DENND1A: variants seen among roughly 807,000 people sequenced by gnomAD.
DENND1A encodes DENN domain containing 1A, also known as DENN domain-containing protein 1A.
Under a neutral mutation model 113.7 loss-of-function variants are expected in DENND1A, and 51 were observed. The ratio of observed to expected loss-of-function variants is 0.45; its 90% CI spans 0.36 to 0.57. The LOEUF (loss-of-function observed/expected upper bound fraction) is 0.57. Among genes scored for constraint, DENND1A ranks in the 20% least tolerant of loss-of-function variants. The pLI is 0.00. For synonymous variants in DENND1A, 565 were observed against 570.8 expected (o/e 0.99, Z 0.14); for missense variants, 1,258 against 1,395.9 (o/e 0.90, Z 1.57).
chr9:123,781,826 T>C (rs1831365395), intron 3 of DENND1A, among the ~76,000 whole-genome samples: 1 of 152,084 alleles, frequency 6.6e-6, no homozygotes, highest in African/African-American at 2.4e-5. Context: ...TCCCAGCACT[T>C]TGGGAGGCCA....
intron 5 of DENND1A, among the ~76,000 whole-genome samples, chr9:123,738,656 T>C (rs970863571): frequency 6.6e-6 from 1 of 152,204 alleles, no homozygotes; most frequent in African/African-American, 2.4e-5. Context: ...GCTACTGGTA[T>C]GAAACCATTT....
At chr9:123,768,853 GAA>G (rs58592395) in intron 4 of DENND1A, among the ~76,000 whole-genome samples, 25 of 130,772 alleles carry the variant, frequency 1.9e-4, no homozygotes, top group African/African-American at 6.0e-4. Context: ...TCGTTAAAAA[GAA>G]AAAAAAAAAA....
intron 2 of DENND1A, among the ~76,000 whole-genome samples, chr9:123,841,709 G>C (rs1050220624): frequency 2.0e-5 from 3 of 152,186 alleles, no homozygotes; most frequent in African/African-American, 7.2e-5. Flanking sequence ...TTGGTGCAGG[G>C]TGGGTGGGGG....
At chr9:123,825,901 C>T (rs780749431) in intron 2 of DENND1A, among the ~76,000 whole-genome samples, 4 of 152,198 alleles carry the variant, frequency 2.6e-5, no homozygotes, top group Non-Finnish European at 1.5e-5. Flanking sequence ...TGCCAATTTG[C>T]AGCTAAAGCT....
intron 1 of DENND1A, among the ~76,000 whole-genome samples, chr9:123,899,231 C>A (rs1851227572): frequency 6.6e-6 from 1 of 152,168 alleles, no homozygotes; most frequent in East Asian, 1.9e-4. Flanking sequence ...CTCTCCTCAG[C>A]CTATCATTAG....
At chr9:123,493,014 G>A (rs2051521276) in intron 13 of DENND1A, 1 of 152,260 alleles carries the variant, frequency 6.6e-6, no homozygotes, top group Non-Finnish European at 1.5e-5. Context: ...AGGAACCCCT[G>A]CTGAGGCAGC....
intron 12 of DENND1A, among the ~76,000 whole-genome samples, chr9:123,571,333 A>G (rs921441499): frequency 6.6e-6 from 1 of 152,232 alleles, no homozygotes; most frequent in African/African-American, 2.4e-5. Context: ...TAGAATGCAT[A>G]CACTTAAAAA....
At position 123,381,707 on chromosome 9, in the gene DENND1A, A is replaced by T; in HGVS notation, c.2938T>A (p.Ser980Thr). 5.2e-6 allele frequency: 8 copies of T among 1,548,180 alleles called. No individual in the cohort carries two copies. The highest frequency in any genetic ancestry group is 6.1e-6 in the Non-Finnish European group (7 of 1,146,534). Residue 980 changes from serine (S) to threonine (T), a missense_variant, in exon 24 of 24, where the codon TCG becomes ACG. By Grantham distance (58) the Ser-to-Thr change is moderately conservative. Around this residue, in one of 2 missense-constraint regions of DENND1A, gnomAD observed 1,159 missense variants for 1,231.7 expected, o/e 0.94. Transcript: ENST00000394215. The surrounding 1 kb of genome is among the most constrained non-coding windows in gnomAD (Gnocchi z 4.7). ...QPLGPPAVAP[S>T]RIRTLPLARS... ...GCCAGGGGCAACGTTCGGATCCTCG[A>T]CGGGGCAACTGCTGGGGGACCCAGC...
chr9:123,392,393 G>A (rs2042903250), intron 21 of DENND1A, among the ~76,000 whole-genome samples: 3 of 152,226 alleles, frequency 2.0e-5, no homozygotes, highest in Admixed American at 1.3e-4. Context: ...GTCTCCGGAG[G>A]TGGTGAAGGG....
intron 18 of DENND1A, among the ~76,000 whole-genome samples, chr9:123,441,294 T>C (rs2046914080): frequency 6.6e-6 from 1 of 152,248 alleles, no homozygotes; most frequent in African/African-American, 2.4e-5. Flanking sequence ...ATTACTTTAA[T>C]TATGAGTATG....
chr9:123,816,984 A>G (rs1405799154), intron 2 of DENND1A, among the ~76,000 whole-genome samples: 2 of 152,216 alleles, frequency 1.3e-5, no homozygotes, highest in African/African-American at 4.8e-5. Flanking sequence ...TCTTATCTGC[A>G]GTCCCTCCTC....
intron 12 of DENND1A, among the ~76,000 whole-genome samples, chr9:123,577,951 C>G (rs1286086346): frequency 6.6e-6 from 1 of 152,206 alleles, no homozygotes; most frequent in Non-Finnish European, 1.5e-5. Flanking sequence ...GAATGACCAA[C>G]AAGATCTCTG....
At chr9:123,436,749 A>T (rs951181363) in intron 19 of DENND1A, among the ~76,000 whole-genome samples, 1 of 151,882 alleles carries the variant, frequency 6.6e-6, no homozygotes, top group African/African-American at 2.4e-5. Context: ...TTGACAAAAT[A>T]TCTTTTTTTT....
intron 6 of DENND1A, 128 bp downstream of exon 6, chr9:123,676,592 T>A: frequency 1.3e-6 from 1 of 796,182 alleles, no homozygotes; most frequent in Non-Finnish European, 1.9e-6. Flanking sequence ...TATTATTTTC[T>A]GAATTTCCCA....
chr9:123,382,268 C>G lies in DENND1A; in HGVS notation c.2377G>C (p.Gly793Arg). ...AKLQAAGAAL[G>R]DVSERLQTDR... ...GTCTGCAGCCGCTCTGAGACGTCAC[C>G]AAGTGCGGCGCCGGCAGCCTGGAGC... The change falls in exon 24 of 24, where the codon GGT becomes CGT. Residue 793 changes from glycine (G) to arginine (R), a missense_variant. By Grantham distance (125) the Gly-to-Arg change is moderately radical. Transcript: ENST00000394215. 1 of 1,610,722 alleles carries G rather than the reference C, an allele frequency of 6.2e-7. No individual in the cohort carries two copies. The highest frequency in any genetic ancestry group is 8.5e-7 in the Non-Finnish European group (1 of 1,179,614).
In DENND1A at chr9:123,858,285, C is replaced by T. The variant is rs565094546; in HGVS notation, c.88+20666G>A. Reference sequence around the variant, plus strand: ...TGCAGTAGTCGACATAGTCGACTGACGTAGTCGAGGTTGAGATCAGTAACT... The same window carrying T: ...TGCAGTAGTCGACATAGTCGACTGATGTAGTCGAGGTTGAGATCAGTAACT... On this transcript the variant is annotated intron_variant, in intron 2 of 23. Transcript: ENST00000394215. Among the ~76,000 whole-genome samples the T allele has an allele frequency of 2.6e-5, 4 of 152,216 alleles. No individual in the cohort carries two copies. The South Asian group carries it at 8.3e-4, about 32-fold the overall frequency.
intron 13 of DENND1A, among the ~76,000 whole-genome samples, chr9:123,479,381 CAG>C (rs1202533557): frequency 6.6e-6 from 1 of 152,244 alleles, no homozygotes; most frequent in Non-Finnish European, 1.5e-5. Flanking sequence ...TGCTTCTCAT[CAG>C]ACTGTCTTAG....
At chr9:123,551,743 C>T (rs772752778) in intron 13 of DENND1A, among the ~76,000 whole-genome samples, 1 of 152,132 alleles carries the variant, frequency 6.6e-6, no homozygotes, top group Non-Finnish European at 1.5e-5. Flanking sequence ...AATAATTCAC[C>T]CGGCCCTGAA....
intron 5 of DENND1A, among the ~76,000 whole-genome samples, chr9:123,678,471 T>C (rs1461075187): frequency 6.6e-6 from 1 of 152,226 alleles, no homozygotes; most frequent in Non-Finnish European, 1.5e-5. Flanking sequence ...CCTGGTCATG[T>C]CTGCCCTGCT....
Sources: gnomAD v4.1 joint callset for allele counts (sites outside exome capture counted in the v4.1 genomes callset) on GRCh38, gnomAD v4.1.1 for gene constraint, gnomAD v4.1.1 regional missense constraint, Gnocchi (gnomAD v3.1) non-coding constraint, MANE v1.5 for transcripts, NCBI Gene and HGNC (gene_info 2026-07-23, HGNC 2026-07-21) for gene names.